Variants in NLRP8 observed in about 807,000 individuals in gnomAD.
The protein encoded by NLRP8 is NACHT, LRR and PYD domains-containing protein 8.
In NLRP8, 86 loss-of-function variants were observed where a neutral mutation model predicts 88.7. The observed-to-expected ratio is 0.97, with a 90% CI of 0.81 to 1.16. The LOEUF is 1.16. Among genes scored for constraint, NLRP8 ranks in the 50% most tolerant of loss-of-function variants. The probability of loss-of-function intolerance (pLI) is 0.00; values close to 1 mark genes in which losing one functional copy is unlikely to be tolerated. For missense variants in NLRP8, 1,342 were observed against 1,286.5 expected (o/e 1.04, Z -0.66); for synonymous variants, 504 against 494.6 (o/e 1.02, Z -0.25).
intron 6 of NLRP8, 28 bp downstream of exon 6, chr19:55,970,724 T>G: frequency 6.2e-7 from 1 of 1,610,588 alleles, no homozygotes. Context: ...TGGCTGTGGT[T>G]GTGGTTGTGG....
chr19:55,955,372 A>T lies in NLRP8; in HGVS notation c.1314A>T (p.Arg438Ser), dbSNP rs138591327. Residue 438 changes from arginine (R) to serine (S), a missense_variant, in exon 3 of 10, where the codon AGA becomes AGT. By Grantham distance (110) the Arg-to-Ser change is moderately radical. Transcript: ENST00000291971. ...ATATTTCTAGCTTGTTTCCCACCAG[A>T]GCTGAGAACTTTTCCAGAAAGATCC... 4 of 1,614,022 alleles carry T rather than the reference A, an allele frequency of 2.5e-6. No individual in the cohort carries two copies. Among genetic ancestry groups the T allele is most frequent in the Middle Eastern group, 1.6e-4 (1 of 6,084 alleles).
chr19:55,961,964 C>A, intron 3 of NLRP8, 103 bp from the exon 4 acceptor site: 1 of 1,087,004 alleles, frequency 9.2e-7, no homozygotes, highest in Non-Finnish European at 1.3e-6. Context: ...TCACTAGAGG[C>A]CTATGGCCCT....
intron 9 of NLRP8, among the ~76,000 whole-genome samples, chr19:55,983,988 G>A (rs1980688896): frequency 6.6e-6 from 1 of 152,060 alleles, no homozygotes; most frequent in South Asian, 2.1e-4. Flanking sequence ...TTCACTATTT[G>A]TGAAAATTCT....
At position 55,960,897 on chromosome 19, in the gene NLRP8, C is replaced by CTTTTTTT. The variant is rs36087472; in HGVS notation, c.2043-1154_2043-1148dup. On this transcript the variant is annotated intron_variant, in intron 3 of 9. Coordinates refer to ENST00000291971, the MANE Select transcript of NLRP8 (RefSeq NM_176811.2). Reference sequence around the variant, plus strand: ...TTTTGGGTTGCTTTCAACTATTTCTCTTTTTTTTTTTTTTTTTTTTTTGAG... The same window carrying CTTTTTTT: ...TTTTGGGTTGCTTTCAACTATTTCTCTTTTTTTTTTTTTTTTTTTTTTTTTTTTTGAG... 4.8e-3 allele frequency among the ~76,000 whole-genome samples: 434 copies of CTTTTTTT among 91,022 alleles called. 3 individuals are homozygous for CTTTTTTT. Among genetic ancestry groups the CTTTTTTT allele is most frequent in the African/African-American group, 7.4e-3 (167 of 22,420 alleles). The allele number at this position is 91,022 out of a possible 152,430, so 59.7% of individuals were successfully genotyped here. A position where few individuals can be genotyped will look rare whatever the true frequency, so the allele number is the denominator to read the frequency against.
chr19:55,986,473 TAC>T (rs896816246), intron 9 of NLRP8, among the ~76,000 whole-genome samples: 907 of 72,496 alleles, frequency 0.013, 7 homozygotes, highest in Admixed American at 0.017. Context: ...CTCTCTCACA[TAC>T]ACACACACAC....
At chr19:55,982,535 C>T (rs562960929) in intron 9 of NLRP8, among the ~76,000 whole-genome samples, 10 of 152,136 alleles carry the variant, frequency 6.6e-5, no homozygotes, top group Non-Finnish European at 1.3e-4. Flanking sequence ...TTCTAAGTAC[C>T]GTTCCTCATT....
At chr19:55,963,405 G>A (rs748659795) in intron 4 of NLRP8, among the ~76,000 whole-genome samples, 51 of 152,326 alleles carry the variant, frequency 3.3e-4, no homozygotes, top group Non-Finnish European at 1.8e-4. Context: ...CTCCAAGGCA[G>A]ACAGCCTTAA....
chr19:55,977,837 C>G (rs1980414145), intron 8 of NLRP8, among the ~76,000 whole-genome samples: 3 of 151,744 alleles, frequency 2.0e-5, no homozygotes, highest in African/African-American at 7.3e-5. Context: ...CTTTCATTTC[C>G]AGGATTAGTT....
In NLRP8 at chr19:55,955,825, A is replaced by G; in HGVS notation, c.1767A>G (p.Lys589=). The G allele has an allele frequency of 1.2e-6, 2 of 1,614,200 alleles. No individual in the cohort carries two copies. Among genetic ancestry groups the G allele is most frequent in the Non-Finnish European group, 1.7e-6 (2 of 1,180,036 alleles). ...TCGGTAATAAGAGGAAACTGCTGAA[A>G]GTCATACCTCTGTTGCATAAATGTG... The change falls in exon 3 of 10, where the codon AAA becomes AAG. Residue 589 remains lysine (K), a synonymous_variant. Coordinates refer to ENST00000291971, the MANE Select transcript of NLRP8 (RefSeq NM_176811.2).
At chr19:55,965,815 C>A (rs1432405551) in intron 4 of NLRP8, among the ~76,000 whole-genome samples, 2 of 148,710 alleles carry the variant, frequency 1.3e-5, no homozygotes, top group African/African-American at 5.0e-5. Context: ...AGCCCCCCAC[C>A]CCCCCAGAGG....
At chr19:55,987,263 G>C (rs306458) in intron 9 of NLRP8, among the ~76,000 whole-genome samples, 8,892 of 152,316 alleles carry the variant, frequency 0.058, 361 homozygotes, top group Middle Eastern at 0.11. Context: ...CCACCTTCTA[G>C]GGAGGCTGAG....
chr19:55,972,809 A>ATGTG (rs3055424), intron 6 of NLRP8, among the ~76,000 whole-genome samples: 1,560 of 135,124 alleles, frequency 0.012, 9 homozygotes, highest in African/African-American at 0.024. Context: ...GTGTGTGTGT[A>ATGTG]TGTGTGTGTG....
Position 55,955,147 on chromosome 19 carries a change from C to G in NLRP8, c.1089C>G (p.Ile363Met). 2 of 1,613,956 alleles carry G rather than the reference C, an allele frequency of 1.2e-6. No individual in the cohort carries two copies. Among genetic ancestry groups the G allele is most frequent in the Non-Finnish European group, 8.5e-7 (1 of 1,179,878 alleles). ...CGGGGTTTAATACGATGGAAAAAAT[C>G]AAGTATTTCCAGATGTATTTTGGAC... Residue 363 changes from isoleucine (I) to methionine (M), a missense_variant, in exon 3 of 10, where the codon ATC (isoleucine) becomes ATG (methionine). Physicochemically the swap from Ile to Met is conservative, Grantham distance 10 (BLOSUM62 1). Coordinates refer to ENST00000291971, the MANE Select transcript of NLRP8 (RefSeq NM_176811.2).
At chr19:55,986,316 TCA>T (rs754944150) in intron 9 of NLRP8, among the ~76,000 whole-genome samples, 36 of 142,060 alleles carry the variant, frequency 2.5e-4, no homozygotes, top group African/African-American at 6.5e-4. Context: ...ACACAGTCTC[TCA>T]CACACACACA....
At chr19:55,977,221 A>ATG (rs10674285) in intron 8 of NLRP8, among the ~76,000 whole-genome samples, 142,380 of 144,284 alleles carry the variant, frequency 0.99, 70,263 homozygotes, top group East Asian at 1. Context: ...ATACATATAT[A>ATG]TATATATGTA....
chr19:55,973,570 G>A, intron 6 of NLRP8, 82 bp from the exon 7 acceptor site: 7 of 1,298,560 alleles, frequency 5.4e-6, no homozygotes, highest in Non-Finnish European at 6.3e-6. Context: ...TCCAGAGGGA[G>A]AGCCCTGACT....
intron 2 of NLRP8, among the ~76,000 whole-genome samples, chr19:55,953,690 G>C (rs1265366775): frequency 6.6e-6 from 1 of 151,652 alleles, no homozygotes; most frequent in Admixed American, 6.6e-5. Context: ...AGTAGAGATG[G>C]GGTTTCACCA....
At chr19:55,972,790 GGTGTGTGTGTGTGTGTGTATGTGTGT>G (rs140423492) in intron 6 of NLRP8, among the ~76,000 whole-genome samples, 21,453 of 138,862 alleles carry the variant, frequency 0.15, 1,975 homozygotes, top group East Asian at 0.48. Flanking sequence ...AGTATTCCAT[GGTGTGTGTGTGTGTGTGTATGTGTGT>G]GTGTGTGTGT....
chr19:55,956,009 C>T lies in NLRP8; in HGVS notation c.1951C>T (p.Arg651Trp), dbSNP rs41481648. 138,987 of 1,613,916 alleles carry T rather than the reference C, an allele frequency of 0.086. 6,407 individuals are homozygous for T. Among genetic ancestry groups the T allele is most frequent in the South Asian group, 0.13 (11,909 of 91,062 alleles). ...TCAAGTGTCTGCTTTTTGCCTGAAGCGGTGTCAATATTTGCATGAGGTGGA... is the reference window on the plus strand; with the variant it reads ...TCAAGTGTCTGCTTTTTGCCTGAAGTGGTGTCAATATTTGCATGAGGTGGA... Residue 651 changes from arginine to tryptophan, a missense_variant, in exon 3 of 10, where the codon CGG (arginine) becomes TGG (tryptophan). Transcript: ENST00000291971.
Sources: allele counts gnomAD v4.1 joint callset (sites outside exome capture counted in the v4.1 genomes callset), GRCh38; gene constraint gnomAD v4.1.1; transcripts MANE v1.5; gene names NCBI Gene and HGNC (gene_info 2026-07-23, HGNC 2026-07-21).